The following GAREM1 variants were observed in gnomAD, a reference collection of about 807,000 sequenced individuals.
GAREM1 encodes GRB2 associated regulator of MAPK1 subtype 1.
In GAREM1, 26 loss-of-function variants were observed where a neutral mutation model predicts 71.3. That is an observed-to-expected ratio of 0.36 (90% CI 0.27 to 0.51). GAREM1 has a LOEUF of 0.51. Ranked by LOEUF, GAREM1 falls within the 20% of genes least tolerant of loss-of-function variation. The pLI is 0.95. For missense variants in GAREM1, 1,026 were observed against 1,103.1 expected (o/e 0.93, Z 0.99); for synonymous variants, 440 against 433.2 (o/e 1.02, Z -0.20).
At chr18:32,296,114 CA>C (rs2047136787) in intron 3 of GAREM1, among the ~76,000 whole-genome samples, 1 of 152,068 alleles carries the variant, frequency 6.6e-6, no homozygotes, top group Non-Finnish European at 1.5e-5. Flanking sequence ...AGGCACGCGG[CA>C]CCATGCTCAG....
In GAREM1 at chr18:32,426,041, C is replaced by T. The variant is rs540067294; in HGVS notation, c.122-33006G>A. Among the ~76,000 whole-genome samples the T allele has an allele frequency of 5.3e-5, 8 of 152,074 alleles. No individual in the cohort carries two copies. In the East Asian group the frequency reaches 9.7e-4, roughly 18 times the overall value. ...TTTGTTTGATTGTTTGTTTTTGAGA[C>T]GGAATCTTGATCTGTCGCCCAGGCT... On this transcript the variant is annotated intron_variant, in intron 1 of 5. Coordinates refer to ENST00000269209, the MANE Select transcript of GAREM1 (RefSeq NM_001242409.2).
intron 3 of GAREM1, among the ~76,000 whole-genome samples, chr18:32,296,043 A>T (rs1442792677): frequency 6.6e-6 from 1 of 151,624 alleles, no homozygotes; most frequent in Admixed American, 6.6e-5. Context: ...GCTCACTGCA[A>T]CCTCCGCCTC....
chr18:32,417,505 T>C (rs1044330842), intron 1 of GAREM1, among the ~76,000 whole-genome samples: 2 of 152,130 alleles, frequency 1.3e-5, no homozygotes, highest in African/African-American at 4.8e-5. Flanking sequence ...AAAGAAAATG[T>C]GGAACTTATA....
intron 2 of GAREM1, among the ~76,000 whole-genome samples, chr18:32,347,808 A>G (rs2144586232): frequency 6.6e-6 from 1 of 152,346 alleles, no homozygotes; most frequent in East Asian, 1.9e-4. Flanking sequence ...CAAAAACAGT[A>G]CAACTGTGGC....
intron 1 of GAREM1, among the ~76,000 whole-genome samples, chr18:32,398,591 C>A (rs1018528595): frequency 1.3e-5 from 2 of 152,186 alleles, no homozygotes; most frequent in Admixed American, 1.3e-4. Context: ...TTCCTGCACA[C>A]ATACACCCTC....
chr18:32,344,734 G>C (rs1179043185), intron 2 of GAREM1, among the ~76,000 whole-genome samples: 1 of 152,168 alleles, frequency 6.6e-6, no homozygotes, highest in Non-Finnish European at 1.5e-5. Context: ...ATAATGAAGT[G>C]TCAGGTCAGA....
In GAREM1 at chr18:32,323,638, G is replaced by A. The variant is rs117156696; in HGVS notation, c.263-13315C>T. Among the ~76,000 whole-genome samples, 18 of 152,300 alleles carry A rather than the reference G, an allele frequency of 1.2e-4. No individual in the cohort carries two copies. In the East Asian group the frequency reaches 3.1e-3, roughly 26 times the overall value. On this transcript the variant is annotated intron_variant, in intron 2 of 5. Transcript: ENST00000269209. ...ACAGTAGAATCCCTTGAGCCCAAGA[G>A]GCAGAGGTTGCAGTGGGCCAAAATT...
chr18:32,322,138 A>G (rs1330721216), intron 2 of GAREM1, among the ~76,000 whole-genome samples: 1 of 152,190 alleles, frequency 6.6e-6, no homozygotes, highest in Non-Finnish European at 1.5e-5. Flanking sequence ...CAGAGAAAAA[A>G]GACCTTGACC....
intron 2 of GAREM1, among the ~76,000 whole-genome samples, chr18:32,389,064 G>C (rs913073698): frequency 6.6e-6 from 1 of 152,142 alleles, no homozygotes; most frequent in Non-Finnish European, 1.5e-5. Context: ...ATTTGGTGGG[G>C]AGGGAGGAGG....
At chr18:32,323,729 A>T (rs761553218) in intron 2 of GAREM1, among the ~76,000 whole-genome samples, 6 of 152,186 alleles carry the variant, frequency 3.9e-5, no homozygotes, top group Non-Finnish European at 7.3e-5. Flanking sequence ...ATAAATAATC[A>T]ATCAAGGTTC....
At chr18:32,338,249 T>G (rs535142293) in intron 2 of GAREM1, among the ~76,000 whole-genome samples, 1 of 152,280 alleles carries the variant, frequency 6.6e-6, no homozygotes, top group East Asian at 1.9e-4. Flanking sequence ...TGAATTCAAG[T>G]AGGAGTTCTG....
intron 1 of GAREM1, among the ~76,000 whole-genome samples, chr18:32,411,629 C>A (rs1227947671): frequency 6.6e-6 from 1 of 152,058 alleles, no homozygotes; most frequent in Non-Finnish European, 1.5e-5. Context: ...GATGTGCCAA[C>A]AATCACTTTT....
At chr18:32,397,840 C>T (rs972571797) in intron 1 of GAREM1, among the ~76,000 whole-genome samples, 9 of 152,130 alleles carry the variant, frequency 5.9e-5, no homozygotes, top group African/African-American at 1.9e-4. Context: ...GAACTCTCCA[C>T]CCCAAATTAA....
intron 1 of GAREM1, among the ~76,000 whole-genome samples, chr18:32,401,789 T>C (rs1487954273): frequency 2.6e-5 from 4 of 152,228 alleles, no homozygotes; most frequent in Non-Finnish European, 5.9e-5. Context: ...TCATAAAAAC[T>C]GTTTTAATTT....
At chr18:32,291,991 C>T (rs1407175588) in intron 3 of GAREM1, among the ~76,000 whole-genome samples, 1 of 152,090 alleles carries the variant, frequency 6.6e-6, no homozygotes, top group Non-Finnish European at 1.5e-5. Flanking sequence ...ATTTATAATC[C>T]TTTGGGTATA....
At chr18:32,305,829 G>A (rs622584) in intron 3 of GAREM1, among the ~76,000 whole-genome samples, 17,024 of 152,100 alleles carry the variant, frequency 0.11, 1,046 homozygotes, top group African/African-American at 0.14. Flanking sequence ...CCCCAGTGAG[G>A]ATTCCATGGC....
chr18:32,387,750 C>A (rs1358157009), intron 2 of GAREM1, among the ~76,000 whole-genome samples: 1 of 152,126 alleles, frequency 6.6e-6, no homozygotes, highest in African/African-American at 2.4e-5. Flanking sequence ...CTTGTCACCA[C>A]CATTTCAGTG....
intron 2 of GAREM1, among the ~76,000 whole-genome samples, chr18:32,363,369 ACT>A (rs1360577718): frequency 1.3e-5 from 2 of 152,174 alleles, no homozygotes. Context: ...TACTTTTAAC[ACT>A]GTTTTTTAAT....
rs147234909 is a variant in GAREM1, at chr18:32,376,650, C to T, written c.262+16245G>A. Among the ~76,000 whole-genome samples, 337 of 152,228 alleles carry T rather than the reference C, an allele frequency of 2.2e-3. 3 individuals are homozygous for T. Among genetic ancestry groups the T allele is most frequent in the African/African-American group, 7.8e-3 (324 of 41,546 alleles). ...GTCAGAAGTTCGAGACCAGCCTGACCAACATGGCAAAACCCCATCTCTATT... is the reference window on the plus strand; with the variant it reads ...GTCAGAAGTTCGAGACCAGCCTGACTAACATGGCAAAACCCCATCTCTATT... On this transcript the variant is annotated intron_variant, in intron 2 of 5. Transcript: ENST00000269209.
Sources: allele counts gnomAD v4.1 joint callset (sites outside exome capture counted in the v4.1 genomes callset), GRCh38; gene constraint gnomAD v4.1.1; transcripts MANE v1.5; gene names NCBI Gene and HGNC (gene_info 2026-07-23, HGNC 2026-07-21).